SLC25A13: variants seen among roughly 807,000 people sequenced by gnomAD.
SLC25A13 encodes electrogenic aspartate/glutamate antiporter SLC25A13, mitochondrial.
Under a neutral mutation model 85.5 loss-of-function variants are expected in SLC25A13, and 70 were observed. The observed-to-expected ratio is 0.82, with a 90% CI of 0.68 to 1.00. SLC25A13 has a LOEUF of 1.00. Among genes scored for constraint, SLC25A13 ranks in the 50% least tolerant of loss-of-function variants. The pLI, the probability that SLC25A13 is intolerant of heterozygous loss-of-function variation, is 0.00. For synonymous variants in SLC25A13, 259 were observed against 288.7 expected (o/e 0.90, Z 1.04); for missense variants, 765 against 819.8 (o/e 0.93, Z 0.82).
chr7:96,132,297 A>G (rs1414569045), intron 14 of SLC25A13, among the ~76,000 whole-genome samples: 2 of 152,160 alleles, frequency 1.3e-5, no homozygotes, highest in African/African-American at 4.8e-5. Context: ...GAAGTAGACA[A>G]ATTATACAGG....
intron 4 of SLC25A13, among the ~76,000 whole-genome samples, chr7:96,221,774 C>T (rs1248186441): frequency 2.0e-5 from 3 of 152,312 alleles, no homozygotes; most frequent in East Asian, 1.9e-4. Context: ...TGTTTCCACA[C>T]ATTTCCTAAT....
chr7:96,295,737 T>C (rs923358875), intron 2 of SLC25A13, among the ~76,000 whole-genome samples: 1 of 152,090 alleles, frequency 6.6e-6, no homozygotes, highest in Non-Finnish European at 1.5e-5. Context: ...TTCTACACCA[T>C]ATTCAGTACA....
intron 11 of SLC25A13, among the ~76,000 whole-genome samples, chr7:96,182,423 C>T (rs1454439871): frequency 6.6e-6 from 1 of 152,232 alleles, no homozygotes; most frequent in Non-Finnish European, 1.5e-5. Flanking sequence ...GTCTCTTGCC[C>T]TTAAGGTTGG....
In SLC25A13 at chr7:96,275,760, T is replaced by C. The variant is rs144567960; in HGVS notation, c.212+1436A>G. On this transcript the variant is annotated intron_variant, in intron 3 of 17. Transcript: ENST00000265631. ...GTGGGGTCGGGGGAGTGGGGAGGGA[T>C]AGCATTAGGAGATATACCTAATGTT... 5.9e-3 allele frequency among the ~76,000 whole-genome samples: 898 copies of C among 152,132 alleles called. 10 individuals are homozygous for C. Among genetic ancestry groups the C allele is most frequent in the South Asian group, 0.029 (140 of 4,818 alleles).
At chr7:96,243,119 C>G (rs1220723574) in intron 3 of SLC25A13, among the ~76,000 whole-genome samples, 2 of 152,168 alleles carry the variant, frequency 1.3e-5, no homozygotes, top group Non-Finnish European at 2.9e-5. Flanking sequence ...GCGTGCGCCA[C>G]CATCCCCGGC....
At chr7:96,143,276 G>A (rs1792643193) in intron 14 of SLC25A13, among the ~76,000 whole-genome samples, 1 of 152,156 alleles carries the variant, frequency 6.6e-6, no homozygotes, top group Admixed American at 6.5e-5. Flanking sequence ...CGCTCTGACA[G>A]CTCCTACGGA....
intron 13 of SLC25A13, among the ~76,000 whole-genome samples, chr7:96,153,327 A>G (rs1793122039): frequency 1.3e-5 from 2 of 152,244 alleles, no homozygotes; most frequent in South Asian, 4.1e-4. Context: ...CAGAATCAAT[A>G]GTAAAATAAT....
intron 14 of SLC25A13, among the ~76,000 whole-genome samples, chr7:96,136,963 TCCTA>T (rs1270329588): frequency 6.6e-6 from 1 of 152,192 alleles, no homozygotes; most frequent in African/African-American, 2.4e-5. Context: ...AGCCCTCTTT[TCCTA>T]CCTTACAGGT....
chr7:96,219,909 C>T (rs1044430618), intron 4 of SLC25A13, among the ~76,000 whole-genome samples: 3 of 152,208 alleles, frequency 2.0e-5, no homozygotes, highest in African/African-American at 7.2e-5. Context: ...GTCACACACA[C>T]TAACTAAATC....
chr7:96,288,135 G>A (rs1798961327), intron 2 of SLC25A13, among the ~76,000 whole-genome samples: 1 of 152,130 alleles, frequency 6.6e-6, no homozygotes, highest in Non-Finnish European at 1.5e-5. Flanking sequence ...CTTAGAAACT[G>A]TATACTGTAT....
intron 6 of SLC25A13, among the ~76,000 whole-genome samples, chr7:96,192,084 A>G (rs184806622): frequency 1.3e-5 from 2 of 152,234 alleles, no homozygotes; most frequent in Admixed American, 1.3e-4. Context: ...TGGAGTAGAG[A>G]AGGGGGCGCC....
At chr7:96,189,255 A>G (rs2116647999) in intron 9 of SLC25A13, 39 bp downstream of exon 9, 3 of 1,587,812 alleles carry the variant, frequency 1.9e-6, no homozygotes, top group Non-Finnish European at 2.6e-6. Flanking sequence ...TATCCTGCTA[A>G]GGAAACCCCA....
At chr7:96,243,669 G>A (rs957678377) in intron 3 of SLC25A13, among the ~76,000 whole-genome samples, 3 of 152,170 alleles carry the variant, frequency 2.0e-5, no homozygotes, top group African/African-American at 7.2e-5. Flanking sequence ...AGCCTCTGGT[G>A]AGGAGGTATT....
intron 13 of SLC25A13, 84 bp from the exon 14 acceptor site, chr7:96,146,780 TA>T: frequency 6.8e-7 from 1 of 1,465,640 alleles, no homozygotes; most frequent in African/African-American, 1.4e-5. Context: ...TTCTCAAGGA[TA>T]AAAATATTCT....
intron 1 of SLC25A13, among the ~76,000 whole-genome samples, chr7:96,318,499 A>G (rs1800212115): frequency 6.6e-6 from 1 of 152,220 alleles, no homozygotes; most frequent in Non-Finnish European, 1.5e-5. Flanking sequence ...GCAGCAAGAG[A>G]ATGGACACTT....
At chr7:96,126,857 T>G (rs1562778607) in intron 15 of SLC25A13, among the ~76,000 whole-genome samples, 1 of 152,202 alleles carries the variant, frequency 6.6e-6, no homozygotes, top group African/African-American at 2.4e-5. Flanking sequence ...CTTCATTACT[T>G]TTTTTAAGGG....
At chr7:96,278,190 T>G (rs1798532079) in intron 2 of SLC25A13, among the ~76,000 whole-genome samples, 1 of 152,046 alleles carries the variant, frequency 6.6e-6, no homozygotes, top group South Asian at 2.1e-4. Flanking sequence ...TCATGTGGTG[T>G]CCTTATGAAG....
intron 1 of SLC25A13, among the ~76,000 whole-genome samples, chr7:96,314,407 C>T (rs1444999512): frequency 6.6e-6 from 1 of 151,998 alleles, no homozygotes; most frequent in African/African-American, 2.4e-5. Flanking sequence ...GTTAAACAGG[C>T]CATGAAAATA....
At chr7:96,250,433 G>A (rs1301365156) in intron 3 of SLC25A13, among the ~76,000 whole-genome samples, 1 of 152,202 alleles carries the variant, frequency 6.6e-6, no homozygotes, top group East Asian at 1.9e-4. Flanking sequence ...CTCTACGGCA[G>A]AAGGCAGTTA....
Sources: gnomAD v4.1 joint callset for allele counts (sites outside exome capture counted in the v4.1 genomes callset) on GRCh38, gnomAD v4.1.1 for gene constraint, MANE v1.5 for transcripts, NCBI Gene and HGNC (gene_info 2026-07-23, HGNC 2026-07-21) for gene names.